ESR1: variants seen among roughly 807,000 people sequenced by gnomAD.
The protein encoded by ESR1 is estrogen receptor 1, also known as estrogen receptor.
In ESR1, 12 loss-of-function variants were observed where a neutral mutation model predicts 52.7. The observed-to-expected ratio is 0.23, with a 90% CI of 0.15 to 0.37. ESR1 has a LOEUF of 0.37. ESR1 is among the 10% of genes least tolerant of loss of function. The pLI is 1.00. For missense variants in ESR1, 584 were observed against 779.7 expected, an observed-to-expected ratio of 0.75 and a Z score of 2.99; for synonymous variants, 305 against 316.8, an observed-to-expected ratio of 0.96 and a Z score of 0.39.
intron 4 of ESR1, among the ~76,000 whole-genome samples, chr6:151,972,324 A>T (rs552892488): frequency 6.6e-6 from 1 of 152,266 alleles, no homozygotes; most frequent in South Asian, 2.1e-4. Flanking sequence ...TCACCCTAAT[A>T]CCAAAACCAG....
At chr6:152,110,066 T>C (rs951638717) in intron 6 of ESR1, among the ~76,000 whole-genome samples, 19 of 152,338 alleles carry the variant, frequency 1.2e-4, no homozygotes, top group Admixed American at 2.6e-4. Flanking sequence ...TAAATTATTA[T>C]ATTTTACAGA....
chr6:151,662,813 T>C (rs1425201635), intron 1 of ESR1, among the ~76,000 whole-genome samples: 1 of 152,230 alleles, frequency 6.6e-6, no homozygotes, highest in East Asian at 1.9e-4. Flanking sequence ...CTTTAGCATG[T>C]ATTAAACGAA....
chr6:151,742,358 A>G (rs1783160411), intron 2 of ESR1, among the ~76,000 whole-genome samples: 1 of 152,146 alleles, frequency 6.6e-6, no homozygotes, highest in Non-Finnish European at 1.5e-5. Context: ...GGCTGCAGCA[A>G]TCTACACTGC....
chr6:151,824,999 G>C (rs987490258), intron 1 of ESR1, among the ~76,000 whole-genome samples: 3 of 152,084 alleles, frequency 2.0e-5, no homozygotes, highest in Non-Finnish European at 4.4e-5. Flanking sequence ...AAGATCATGA[G>C]TATTATAAAA....
chr6:151,867,129 G>T (rs890361205), intron 2 of ESR1, among the ~76,000 whole-genome samples: 2 of 152,082 alleles, frequency 1.3e-5, no homozygotes, highest in African/African-American at 4.8e-5. Flanking sequence ...ATGGATTAAA[G>T]ACTTAAATGT....
At chr6:151,665,596 A>C (rs1325496131) in intron 1 of ESR1, among the ~76,000 whole-genome samples, 1 of 151,874 alleles carries the variant, frequency 6.6e-6, no homozygotes, top group African/African-American at 2.4e-5. Flanking sequence ...TCCACTCCAC[A>C]GCTTCTGTTT....
rs759639731 is a variant in ESR1 at position 151,807,975 on chromosome 6, C to A, written c.63C>A (p.Asn21Lys). 6.2e-7 allele frequency: 1 copy of A among 1,614,014 alleles called. No individual in the cohort carries two copies. The highest frequency in any genetic ancestry group is 1.1e-5 in the South Asian group (1 of 91,074). ...GMALLHQIQG[N>K]ELEPLNRPQL... Reference sequence around the variant, plus strand: ...CCCTACTGCATCAGATCCAAGGGAACGAGCTGGAGCCCCTGAACCGTCCGC... The same window carrying A: ...CCCTACTGCATCAGATCCAAGGGAAAGAGCTGGAGCCCCTGAACCGTCCGC... Residue 21 changes from asparagine (N) to lysine (K), a missense_variant, in exon 1 of 8, where the codon AAC becomes AAA. Around this residue, in one of 6 missense-constraint regions of ESR1, gnomAD observed 251 missense variants for 246.1 expected, o/e 1.02. Coordinates refer to ENST00000206249, the MANE Select transcript of ESR1 (RefSeq NM_000125.4).
intron 6 of ESR1, among the ~76,000 whole-genome samples, chr6:152,070,549 C>T (rs1562751368): frequency 7.2e-6 from 1 of 138,472 alleles, no homozygotes; most frequent in South Asian, 2.3e-4. Context: ...AATGGAACAT[C>T]AAACTGTTCT....
rs184098301 is a variant in ESR1 at position 152,006,644 on chromosome 6, A to G, written c.1097-5012A>G. The stretch of plus-strand genomic sequence containing the variant: ...TCCTTCCATGATTTATTTTTTTCCC[A>G]TACTGTACTCTTGCACTGAGTCTTT... On this transcript the variant is annotated intron_variant, in intron 4 of 7. Transcript: ENST00000206249. Among the ~76,000 whole-genome samples the G allele has an allele frequency of 1.2e-3, 182 of 152,026 alleles. 2 individuals carry two copies. Among genetic ancestry groups the G allele is most frequent in the Admixed American group, 9.4e-3 (144 of 15,258 alleles).
intron 3 of ESR1, among the ~76,000 whole-genome samples, chr6:151,926,022 C>T (rs984641199): frequency 1.3e-5 from 2 of 152,110 alleles, no homozygotes; most frequent in Non-Finnish European, 2.9e-5. Context: ...ACATCAATGT[C>T]CAGTTGCTTC....
At position 152,069,858 on chromosome 6, in the gene ESR1, G is replaced by T. The variant is rs539757829; in HGVS notation, c.1369+8734G>T. Among the ~76,000 whole-genome samples, 9 of 137,506 alleles carry T rather than the reference G, an allele frequency of 6.5e-5. 1 individual carries two copies. The South Asian group carries it at 2.1e-3, about 32-fold the overall frequency. 90.2% of individuals were successfully genotyped at this position (137,506 alleles called of 152,430 possible). On this transcript the variant is annotated intron_variant, in intron 6 of 7. Transcript: ENST00000206249. ...ACCAGTTTGCAACCCAGGCAGCTGGGGACCTCTGGGCTGTAGGGTAGGCTG... is the reference window on the plus strand; with the variant it reads ...ACCAGTTTGCAACCCAGGCAGCTGGTGACCTCTGGGCTGTAGGGTAGGCTG...
At chr6:151,700,791 T>A (rs1779718901) in intron 1 of ESR1, among the ~76,000 whole-genome samples, 1 of 151,444 alleles carries the variant, frequency 6.6e-6, no homozygotes, top group African/African-American at 2.4e-5. Context: ...AGTTAAGAAT[T>A]CAACAAGTTT....
At chr6:151,887,260 C>T (rs1368378239) in intron 3 of ESR1, among the ~76,000 whole-genome samples, 1 of 151,804 alleles carries the variant, frequency 6.6e-6, no homozygotes, top group African/African-American at 2.4e-5. Context: ...GCTAGCTGCT[C>T]TTTACCAAAG....
intron 2 of ESR1, among the ~76,000 whole-genome samples, chr6:151,855,803 C>G (rs1427445599): frequency 1.3e-5 from 2 of 152,028 alleles, no homozygotes; most frequent in African/African-American, 2.4e-5. Flanking sequence ...ACAGAATGCT[C>G]TAGATTAAAC....
intron 6 of ESR1, among the ~76,000 whole-genome samples, chr6:152,111,565 G>A (rs892993802): frequency 2.6e-5 from 4 of 152,236 alleles, no homozygotes; most frequent in African/African-American, 9.6e-5. Flanking sequence ...ATTTTTACAA[G>A]CTGATTAAAT....
At chr6:152,041,497 G>A (rs933990153) in intron 5 of ESR1, among the ~76,000 whole-genome samples, 13 of 152,316 alleles carry the variant, frequency 8.5e-5, no homozygotes, top group South Asian at 2.1e-4. Flanking sequence ...ATCTTAGAAG[G>A]AATATCTTGA....
chr6:152,082,740 A>C (rs1007704621), intron 6 of ESR1, among the ~76,000 whole-genome samples: 2 of 152,220 alleles, frequency 1.3e-5, no homozygotes, highest in African/African-American at 4.8e-5. Context: ...AAATCTCCTT[A>C]AGCTGATAAG....
At chr6:151,798,967 T>C (rs533802960) in intron 2 of ESR1, among the ~76,000 whole-genome samples, 7 of 152,368 alleles carry the variant, frequency 4.6e-5, no homozygotes, top group African/African-American at 1.4e-4. Context: ...TTTTAACTTA[T>C]GTTCTCAAGC....
chr6:152,099,441 T>TA lies in ESR1; in HGVS notation c.*476dup, dbSNP rs1177448378. 1 of 305,376 alleles carries TA rather than the reference T, an allele frequency of 3.3e-6. No individual in the cohort carries two copies. The highest frequency in any genetic ancestry group is 6.2e-6 in the Non-Finnish European group (1 of 161,266). The allele number at this position is 305,376 out of a possible 1,614,324, so 18.9% of individuals were successfully genotyped here. On this transcript the variant is annotated 3_prime_UTR_variant, in exon 8 of 8. Transcript: ENST00000206249. ...GGAGAAAGCTAGGTCAAGGGTTTATTATAGCACCCTCTTGTATTCCTATGG... is the reference window on the plus strand; with the variant it reads ...GGAGAAAGCTAGGTCAAGGGTTTATTAATAGCACCCTCTTGTATTCCTATGG...
Sources: allele counts gnomAD v4.1 joint callset (sites outside exome capture counted in the v4.1 genomes callset), GRCh38; gene constraint gnomAD v4.1.1; regional missense constraint gnomAD v4.1.1; transcripts MANE v1.5; gene names NCBI Gene and HGNC (gene_info 2026-07-23, HGNC 2026-07-21).